DNAH7: variants seen among roughly 807,000 people sequenced by gnomAD.
The protein encoded by DNAH7 is axonemal beta dynein heavy chain 7.
Under a neutral mutation model 444.6 loss-of-function variants are expected in DNAH7, and 397 were observed. The observed-to-expected ratio is 0.89, with a 90% CI of 0.82 to 0.97. DNAH7 has a LOEUF of 0.97. Among genes scored for constraint, DNAH7 ranks in the 50% least tolerant of loss-of-function variants. DNAH7 has a pLI of 0.00. For missense variants in DNAH7, 4,902 were observed against 4,800.8 expected, an observed-to-expected ratio of 1.02 and a Z score of -0.62; for synonymous variants, 1,636 against 1,624.4, an observed-to-expected ratio of 1.01 and a Z score of -0.17.
At chr2:195,776,661 C>G (rs1695079161) in intron 59 of DNAH7, among the ~76,000 whole-genome samples, 1 of 151,822 alleles carries the variant, frequency 6.6e-6, no homozygotes, top group Non-Finnish European at 1.5e-5. Flanking sequence ...ATTCTGTTTA[C>G]TCTTACTGTA....
intron 16 of DNAH7, 31 bp from the exon 17 acceptor site, chr2:195,970,125 T>G: frequency 6.4e-7 from 1 of 1,570,168 alleles, no homozygotes; most frequent in African/African-American, 1.4e-5. Flanking sequence ...TTAATATTCT[T>G]AAAAGTTAAA....
chr2:195,936,485 T>C (rs17362283), intron 20 of DNAH7, 114 bp downstream of exon 20: 91,478 of 632,730 alleles, frequency 0.14, 7,773 homozygotes, highest in Middle Eastern at 0.23. Flanking sequence ...TGGAACATTC[T>C]TGTAGAAAAA....
At chr2:195,829,502 T>C (rs1267306655) in intron 48 of DNAH7, among the ~76,000 whole-genome samples, 1 of 152,106 alleles carries the variant, frequency 6.6e-6, no homozygotes, top group Admixed American at 6.5e-5. Context: ...CACTTTTACA[T>C]GATCATATTT....
At chr2:195,948,622 G>C (rs907625756) in intron 19 of DNAH7, among the ~76,000 whole-genome samples, 2 of 152,300 alleles carry the variant, frequency 1.3e-5, no homozygotes, top group African/African-American at 4.8e-5. Flanking sequence ...TGTGATTTCT[G>C]AGGTCTCTGT....
intron 56 of DNAH7, chr2:195,795,925 G>A (rs1696110481): frequency 6.6e-6 from 1 of 152,272 alleles, no homozygotes; most frequent in African/African-American, 2.4e-5. Context: ...ATTTAGAAGG[G>A]AGTTAGGAGT....
Position 195,861,737 on chromosome 2 carries a change from C to G in DNAH7, c.7716G>C (p.Leu2572=). 6.2e-7 allele frequency: 1 copy of G among 1,609,822 alleles called. No homozygotes were observed. The highest frequency in any genetic ancestry group is 1.1e-5 in the South Asian group (1 of 90,416). ...TTTACCTTCTTTTCTTTTCTAACAACAGTTTGAAGGTGGAGATTAATTCGA... is the reference window on the plus strand; with the variant it reads ...TTTACCTTCTTTTCTTTTCTAACAAGAGTTTGAAGGTGGAGATTAATTCGA... ...SYLELISTFK[L]LLEKKRSEVM... The change falls in exon 42 of 65, where the codon CTG becomes CTC. Residue 2572 remains leucine (L), a synonymous_variant. Coordinates refer to ENST00000312428, the MANE Select transcript of DNAH7 (RefSeq NM_018897.3).
intron 15 of DNAH7, among the ~76,000 whole-genome samples, chr2:195,984,146 A>G (rs1490230382): frequency 1.3e-5 from 2 of 152,094 alleles, no homozygotes; most frequent in Non-Finnish European, 2.9e-5. Context: ...CACCCAGATG[A>G]GCCTGCTGGG....
chr2:195,914,014 G>A (rs554118059), intron 24 of DNAH7, among the ~76,000 whole-genome samples: 8 of 152,180 alleles, frequency 5.3e-5, no homozygotes, highest in Non-Finnish European at 1.0e-4. Context: ...GTGCCAAGTC[G>A]CAGATCTTTT....
chr2:195,923,645 T>C lies in DNAH7; in HGVS notation c.3775A>G (p.Ser1259Gly). Residue 1259 changes from serine (S) to glycine (G), a missense_variant, in exon 23 of 65, where the codon AGC becomes GGC. Physicochemically the swap from Ser to Gly is moderately conservative, Grantham distance 56. Transcript: ENST00000312428. ...VLSSLVKKNI[S>G]DDSDFEWLSQ... The stretch of plus-strand genomic sequence containing the variant: ...AACCATTCAAAGTCAGAGTCATCGC[T>C]AATATTTTTTTTTACAAGTGATGAG... 6.2e-7 allele frequency: 1 copy of C among 1,614,112 alleles called. No homozygotes were observed. Among genetic ancestry groups the C allele is most frequent in the South Asian group, 1.1e-5 (1 of 91,082 alleles).
At chr2:195,980,733 A>G (rs1256161176) in intron 15 of DNAH7, among the ~76,000 whole-genome samples, 5 of 152,216 alleles carry the variant, frequency 3.3e-5, no homozygotes, top group Admixed American at 6.5e-5. Context: ...ACACTGTATC[A>G]ACAGAATGAA....
In DNAH7 at chr2:195,858,605, C is replaced by T. The variant is rs756127548; in HGVS notation, c.7936G>A (p.Ala2646Thr). 9.9e-6 allele frequency: 16 copies of T among 1,613,836 alleles called. No individual in the cohort carries two copies. Among genetic ancestry groups the T allele is most frequent in the African/African-American group, 4.0e-5 (3 of 74,906 alleles). Reference protein sequence around the residue: ...EVAKTEKIVKADETIANEQAM... With the variant: ...EVAKTEKIVKTDETIANEQAM... ...TGTTCATTCGCTATTGTTTCATCAG[C>T]TTTCACTATTTTTTCAGTTTTGGCA... The change falls in exon 43 of 65, where the codon GCT becomes ACT. Residue 2646 changes from alanine to threonine, a missense_variant. Coordinates refer to ENST00000312428, the MANE Select transcript of DNAH7 (RefSeq NM_018897.3).
At chr2:195,813,264 T>C (rs1697054921) in intron 51 of DNAH7, among the ~76,000 whole-genome samples, 1 of 152,242 alleles carries the variant, frequency 6.6e-6, no homozygotes, top group South Asian at 2.1e-4. Context: ...TTCTTTATGT[T>C]GAAAATAAGG....
In DNAH7 at chr2:195,872,356, T is replaced by C. The variant is rs777156822; in HGVS notation, c.6527A>G (p.Tyr2176Cys). The C allele has an allele frequency of 1.2e-6, 2 of 1,613,824 alleles. No individual in the cohort carries two copies. The highest frequency in any genetic ancestry group is 1.7e-6 in the Non-Finnish European group (2 of 1,179,832). ...NLLPTPAKSH[Y>C]LFNLRDFSRV... ...GGAGAAATCACGGAGGTTGAACAAG[T>C]AGTGAGATTTAGCTGGAGTAGGCAA... The change falls in exon 40 of 65, where the codon TAC (tyrosine) becomes TGC (cysteine). Residue 2176 changes from tyrosine (Y) to cysteine (C), a missense_variant. Physicochemically the swap from Tyr to Cys is radical, Grantham distance 194 (BLOSUM62 -2). Coordinates refer to ENST00000312428, the MANE Select transcript of DNAH7 (RefSeq NM_018897.3).
chr2:195,951,854 A>G (rs1690281475), intron 19 of DNAH7, among the ~76,000 whole-genome samples: 1 of 152,026 alleles, frequency 6.6e-6, no homozygotes, highest in African/African-American at 2.4e-5. Context: ...TCCTGAATAC[A>G]GCACACCGAT....
chr2:195,808,526 A>G (rs1043215832), intron 53 of DNAH7, among the ~76,000 whole-genome samples, 156 bp downstream of exon 53: 2 of 152,238 alleles, frequency 1.3e-5, no homozygotes, highest in Non-Finnish European at 2.9e-5. Context: ...AAACAGAACC[A>G]CTGACTTAGA....
At chr2:195,759,347 C>T (rs1460833200) in intron 61 of DNAH7, among the ~76,000 whole-genome samples, 2 of 152,162 alleles carry the variant, frequency 1.3e-5, no homozygotes, top group Non-Finnish European at 2.9e-5. Flanking sequence ...TGGGATTCAT[C>T]ACCTGCTGAC....
intron 63 of DNAH7, among the ~76,000 whole-genome samples, chr2:195,744,991 C>A (rs989958629): frequency 6.6e-6 from 1 of 152,240 alleles, no homozygotes; most frequent in African/African-American, 2.4e-5. Flanking sequence ...AGCAACGGAA[C>A]AGAGCTGGAC....
At chr2:195,802,669 CAAAAA>C (rs1003824292) in intron 54 of DNAH7, among the ~76,000 whole-genome samples, 1 of 142,156 alleles carries the variant, frequency 7.0e-6, no homozygotes, top group African/African-American at 2.6e-5. Flanking sequence ...TGTCTCAAAA[CAAAAA>C]AAACAAAATC....
At chr2:195,818,550 C>T (rs1697326343) in intron 49 of DNAH7, among the ~76,000 whole-genome samples, 1 of 152,172 alleles carries the variant, frequency 6.6e-6, no homozygotes, top group Non-Finnish European at 1.5e-5. Context: ...ACAAATCATT[C>T]TATTGCTCCC....
Sources: allele counts gnomAD v4.1 joint callset (sites outside exome capture counted in the v4.1 genomes callset), GRCh38; gene constraint gnomAD v4.1.1; transcripts MANE v1.5; gene names NCBI Gene and HGNC (gene_info 2026-07-23, HGNC 2026-07-21).